Variants in NBPF15 observed in about 807,000 individuals in gnomAD.
NBPF15 encodes the protein NBPF family member NBPF15.
A neutral mutation model predicts 62.2 loss-of-function variants in NBPF15; 74 were observed. That is an observed-to-expected ratio of 1.19 (90% CI 0.99 to 1.44). The LOEUF (loss-of-function observed/expected upper bound fraction) is 1.44. Ranked by LOEUF, NBPF15 falls within the 40% of genes most tolerant of loss-of-function variation. The probability of loss-of-function intolerance (pLI) is 0.00; values close to 1 mark genes in which losing one functional copy is unlikely to be tolerated. For missense variants in NBPF15, 790 were observed against 550.0 expected, an observed-to-expected ratio of 1.44 and a Z score of -4.36; for synonymous variants, 244 against 209.7, an observed-to-expected ratio of 1.16 and a Z score of -1.41.
intron 5 of NBPF15, among the ~76,000 whole-genome samples, chr1:144,450,436 C>T (rs1301514862): frequency 6.6e-6 from 1 of 151,956 alleles, no homozygotes; most frequent in Non-Finnish European, 1.5e-5. Flanking sequence ...GAAAAAGGGC[C>T]CTCAGCCCCC....
chr1:144,425,601 A>G (rs1387942588), intron 18 of NBPF15, 33 bp from the exon 19 acceptor site: 8 of 538,202 alleles, frequency 1.5e-5, no homozygotes, highest in Non-Finnish European at 2.6e-5. Context: ...CAGACAAAAT[A>G]AGCCAATTCA....
chr1:144,452,113 T>C lies in NBPF15; in HGVS notation c.-431-1243A>G, dbSNP rs1571160793. Among the ~76,000 whole-genome samples, 3 of 151,354 alleles carry C rather than the reference T, an allele frequency of 2.0e-5. No individual in the cohort carries two copies. The East Asian group carries it at 5.8e-4, about 29-fold the overall frequency. ...GTTGCAGTGAGCTGAGATGGCGCCG[T>C]TGCATTCGAGCCCAAGGAAAAGAGA... is the stretch of plus-strand genomic sequence containing the variant. On this transcript the variant is annotated intron_variant, in intron 4 of 21. Coordinates refer to ENST00000581897, the MANE Select transcript of NBPF15 (RefSeq NM_001385408.1).
rs1460444632 is a variant in NBPF15, at chr1:144,436,252, C to A, written c.494-399G>T. Among the ~76,000 whole-genome samples, 1,302 of 152,066 alleles carry A rather than the reference C, an allele frequency of 8.6e-3. 24 individuals are homozygous for A. The highest frequency in any genetic ancestry group is 0.031 in the East Asian group (162 of 5,184). ...GAAGCAGACAAACTTGTCCCACAGT[C>A]CTCTATGCATCAGAAGATTTCAAGC... is the stretch of plus-strand genomic sequence containing the variant. On this transcript the variant is annotated intron_variant, in intron 10 of 21. Transcript: ENST00000581897.
At chr1:144,429,478 C>G (rs1672615168) in intron 14 of NBPF15, among the ~76,000 whole-genome samples, 1 of 150,534 alleles carries the variant, frequency 6.6e-6, no homozygotes, top group Non-Finnish European at 1.5e-5. Flanking sequence ...TCCAGGTTGG[C>G]ACGGGCATGG....
rs1677325525 is a variant in NBPF15 at position 144,435,229 on chromosome 1, A to G, written c.654T>C (p.Tyr218=). The G allele has an allele frequency of 2.5e-6, 4 of 1,612,918 alleles. No individual in the cohort carries two copies. The South Asian group carries it at 3.3e-5, about 13-fold the overall frequency. Reference sequence around the variant, plus strand: ...TTTTCTTATGTGGCTGGTTGGAGTCATAAGGGCCATGGCTATTTGAACAAG... The same window carrying G: ...TTTTCTTATGTGGCTGGTTGGAGTCGTAAGGGCCATGGCTATTTGAACAAG... The part of the protein sequence containing the change: ...AITCSNSHGP[Y]DSNQPHKKTK... The change falls in exon 12 of 22, where the codon TAT becomes TAC. Residue 218 remains tyrosine, a synonymous_variant. Coordinates refer to ENST00000581897, the MANE Select transcript of NBPF15 (RefSeq NM_001385408.1).
chr1:144,443,457 A>C (rs1352029768), intron 6 of NBPF15, among the ~76,000 whole-genome samples: 1 of 151,108 alleles, frequency 6.6e-6, no homozygotes, highest in Non-Finnish European at 1.5e-5. Flanking sequence ...TTTCAAATAC[A>C]TTTTGAAACT....
Position 144,442,268 on chromosome 1 carries a change from A to AATATATATACACGTGTATATATTATAT in NBPF15, c.-190-2000_-190-1974dup, listed in dbSNP as rs1256348355. 2.7e-3 allele frequency among the ~76,000 whole-genome samples: 323 copies of AATATATATACACGTGTATATATTATAT among 120,340 alleles called. 2 individuals carry two copies. Among genetic ancestry groups the AATATATATACACGTGTATATATTATAT allele is most frequent in the African/African-American group, 8.5e-3 (256 of 30,132 alleles). 78.9% of individuals were successfully genotyped at this position (120,340 alleles called of 152,430 possible). On this transcript the variant is annotated intron_variant, in intron 6 of 21. Coordinates refer to ENST00000581897, the MANE Select transcript of NBPF15 (RefSeq NM_001385408.1). ...ATTAATATAGATGTAGGCCATTATT[A>AATATATATACACGTGTATATATTATAT]ATATATATACACGTGTATATATTAT...
At chr1:144,443,106 A>C (rs1164711931) in intron 6 of NBPF15, 4 of 155,414 alleles carry the variant, frequency 2.6e-5, no homozygotes, top group African/African-American at 9.7e-5. Context: ...TACCCCACAC[A>C]CCTTATTGCT....
chr1:144,451,246 G>A (rs1690913375), intron 4 of NBPF15, among the ~76,000 whole-genome samples: 1 of 151,964 alleles, frequency 6.6e-6, no homozygotes, highest in East Asian at 1.9e-4. Flanking sequence ...ATGCCTTAAA[G>A]AGCAGTATTG....
intron 11 of NBPF15, among the ~76,000 whole-genome samples, 198 bp downstream of exon 11, chr1:144,435,583 C>T (rs1177878598): frequency 2.0e-4 from 30 of 152,090 alleles, no homozygotes; most frequent in Admixed American, 1.3e-3. Context: ...TATCCCTGTA[C>T]GGTGCAGACA....
Position 144,450,813 on chromosome 1 carries a change from C to A in NBPF15, c.-374G>T. ...CAGAGCCCTTGCCACCTGAAGAAGA[C>A]AATGAGGGGTATTTCAGGCACTTGA... On this transcript the variant is annotated 5_prime_UTR_variant, in exon 5 of 22. Coordinates refer to ENST00000581897, the MANE Select transcript of NBPF15 (RefSeq NM_001385408.1). 1.1e-6 allele frequency: 1 copy of A among 922,508 alleles called. No individual in the cohort carries two copies. Among genetic ancestry groups the A allele is most frequent in the Non-Finnish European group, 1.3e-6 (1 of 773,616 alleles). 57.1% of individuals were successfully genotyped at this position (922,508 alleles called of 1,614,324 possible).
chr1:144,433,450 C>A (rs1675977745), intron 13 of NBPF15, among the ~76,000 whole-genome samples: 1 of 149,832 alleles, frequency 6.7e-6, no homozygotes. Context: ...TAACTAAGAT[C>A]AGAGCAGAAC....
At chr1:144,457,946 G>A (rs1170683580) in intron 3 of NBPF15, among the ~76,000 whole-genome samples, 36 of 151,910 alleles carry the variant, frequency 2.4e-4, no homozygotes, top group Admixed American at 7.9e-4. Context: ...AATTAGCCGG[G>A]CATAGTGGTG....
rs1683880473 is a variant in NBPF15 at position 144,442,219 on chromosome 1, ATATATATAT to A, written c.-190-1933_-190-1925del. Among the ~76,000 whole-genome samples, 5 of 105,606 alleles carry A rather than the reference ATATATATAT, an allele frequency of 4.7e-5. No individual in the cohort carries two copies. In the Admixed American group the frequency reaches 5.1e-4, roughly 11 times the overall value. 69.3% of individuals were successfully genotyped at this position (105,606 alleles called of 152,430 possible). ...TGTATATATATTATTAATATATATA[ATATATATAT>A]TAATAATATATATTATTAATATAGA... is the stretch of plus-strand genomic sequence containing the variant. On this transcript the variant is annotated intron_variant, in intron 6 of 21. Coordinates refer to ENST00000581897, the MANE Select transcript of NBPF15 (RefSeq NM_001385408.1).
intron 6 of NBPF15, among the ~76,000 whole-genome samples, chr1:144,444,076 G>A (rs1685461819): frequency 6.6e-6 from 1 of 151,788 alleles, no homozygotes; most frequent in African/African-American, 2.4e-5. Context: ...ATACTGAGTA[G>A]TATTCCTTCG....
At position 144,451,066 on chromosome 1, in the gene NBPF15, G is replaced by T. The variant is rs587657668; in HGVS notation, c.-431-196C>A. On this transcript the variant is annotated intron_variant, in intron 4 of 21. Coordinates refer to ENST00000581897, the MANE Select transcript of NBPF15 (RefSeq NM_001385408.1). ...CAGCACTGGCCTCTGAGTTCCCTTA[G>T]TATTTATTGATCATTATCGGGCATT... is the stretch of plus-strand genomic sequence containing the variant. Among the ~76,000 whole-genome samples the T allele has an allele frequency of 4.5e-4, 68 of 152,134 alleles. 4 individuals are homozygous for T. The East Asian group carries it at 0.013, about 28-fold the overall frequency.
chr1:144,444,238 C>T (rs1685597874), intron 6 of NBPF15, among the ~76,000 whole-genome samples: 1 of 149,110 alleles, frequency 6.7e-6, no homozygotes, highest in South Asian at 2.1e-4. Context: ...TGTTTCAGTA[C>T]CGACTGAGTG....
chr1:144,442,839 C>A (rs1170316623), intron 6 of NBPF15: 15 of 211,754 alleles, frequency 7.1e-5, no homozygotes, highest in East Asian at 4.6e-4. Context: ...GGGAATTGAC[C>A]GTGGATCTTC....
Position 144,439,981 on chromosome 1 carries a change from A to T in NBPF15, c.23T>A (p.Leu8Ter). 5.6e-6 allele frequency: 9 copies of T among 1,610,066 alleles called. No individual in the cohort carries two copies. Among genetic ancestry groups the T allele is most frequent in the Non-Finnish European group, 7.6e-6 (9 of 1,178,094 alleles). ...GTTCATCTCTGCCTTCTCGCTGGACAAAGGGCCGGCTGATACCACCATGCT... is the reference window on the plus strand; with the variant it reads ...GTTCATCTCTGCCTTCTCGCTGGACTAAGGGCCGGCTGATACCACCATGCT... MVVSAGP[L>*]SSEKAEMNIL... Residue 8 changes from leucine (L) to a stop codon, truncating the protein, a stop_gained, in exon 8 of 22, where the codon TTG becomes TAG. Transcript: ENST00000581897. LOFTEE classifies it high-confidence loss of function.
Sources: gnomAD v4.1 joint callset for allele counts (sites outside exome capture counted in the v4.1 genomes callset) on GRCh38, gnomAD v4.1.1 for gene constraint, MANE v1.5 for transcripts, NCBI Gene and HGNC (gene_info 2026-07-23, HGNC 2026-07-21) for gene names.